WNT3: variants seen among roughly 807,000 people sequenced by gnomAD.
WNT3 encodes proto-oncogene Wnt-3.
Under a neutral mutation model 34.2 loss-of-function variants are expected in WNT3, and 7 were observed. That is an observed-to-expected ratio of 0.20 (90% CI 0.12 to 0.38). WNT3 has a LOEUF of 0.38. Among genes scored for constraint, WNT3 ranks in the 10% least tolerant of loss-of-function variants. The probability of loss-of-function intolerance (pLI) is 1.00; values close to 1 mark genes in which losing one functional copy is unlikely to be tolerated. For synonymous variants in WNT3, 212 were observed against 211.5 expected (o/e 1.00, Z -0.02); for missense variants, 267 against 499.8 (o/e 0.53, Z 4.44).
intron 1 of WNT3, among the ~76,000 whole-genome samples, chr17:46,781,768 C>A (rs1291686248): frequency 6.6e-6 from 1 of 152,200 alleles, no homozygotes; most frequent in African/African-American, 2.4e-5. Context: ...GCATCCCCAG[C>A]CTTCAACTTC....
At chr17:46,788,754 C>T (rs551632250) in intron 1 of WNT3, among the ~76,000 whole-genome samples, 1 of 152,148 alleles carries the variant, frequency 6.6e-6, no homozygotes, top group African/African-American at 2.4e-5. Flanking sequence ...GACCTCCCTG[C>T]GAGGACCTCC....
rs747207186 is a variant in WNT3 at position 46,773,874 on chromosome 17, C to T, written c.116G>A (p.Gly39Asp). Residue 39 changes from glycine to aspartate, a missense_variant, in exon 2 of 5, where the codon GGC becomes GAC. Physicochemically the swap from Gly to Asp is moderately conservative, Grantham distance 94. This residue lies in a region of WNT3 where 181 missense variants were observed against 391.3 expected (regional missense o/e 0.46). Transcript: ENST00000225512. ...GGAGCCGCAGAGCAGGGGCTGTGAG[C>T]CCAGAGATGTGTACTGCTGGCCCAG... ...LALGQQYTSL[G>D]SQPLLCGSIP... is the part of the protein sequence containing the mutation. 3.1e-6 allele frequency: 5 copies of T among 1,612,430 alleles called. No individual in the cohort carries two copies. The highest frequency in any genetic ancestry group is 3.3e-5 in the Admixed American group (2 of 60,002).
chr17:46,788,483 C>T (rs1336462379), intron 1 of WNT3, among the ~76,000 whole-genome samples: 2 of 152,154 alleles, frequency 1.3e-5, no homozygotes, highest in East Asian at 1.9e-4. Context: ...CCTGCCCAGC[C>T]CTCTTGTTCG....
At chr17:46,779,786 A>G (rs1568080380) in intron 1 of WNT3, among the ~76,000 whole-genome samples, 1 of 151,906 alleles carries the variant, frequency 6.6e-6, no homozygotes, top group Non-Finnish European at 1.5e-5. Context: ...TTGAGACAGA[A>G]TCTTGCTCTG....
intron 1 of WNT3, among the ~76,000 whole-genome samples, chr17:46,789,451 G>T (rs1191122291): frequency 3.3e-5 from 5 of 152,234 alleles, no homozygotes; most frequent in Non-Finnish European, 7.3e-5. Context: ...AGGAGTCCAG[G>T]AAACTGGATC....
chr17:46,779,591 T>C (rs1159569724), intron 1 of WNT3, among the ~76,000 whole-genome samples: 2 of 152,200 alleles, frequency 1.3e-5, no homozygotes, highest in African/African-American at 4.8e-5. Flanking sequence ...ACTTTGGTGT[T>C]GACCCCTTGG....
At chr17:46,771,062 C>G (rs1598756121) in intron 2 of WNT3, among the ~76,000 whole-genome samples, 1 of 152,210 alleles carries the variant, frequency 6.6e-6, no homozygotes, top group African/African-American at 2.4e-5. Flanking sequence ...CGCCTCCCCT[C>G]CTGGGCTGTG....
intron 1 of WNT3, among the ~76,000 whole-genome samples, chr17:46,814,531 G>T (rs2146470658): frequency 6.6e-6 from 1 of 152,320 alleles, no homozygotes; most frequent in East Asian, 1.9e-4. Flanking sequence ...TGCCCTGGAA[G>T]GGAGACCACC....
intron 1 of WNT3, 51 bp from the exon 2 acceptor site, chr17:46,773,960 A>C: frequency 6.3e-7 from 1 of 1,592,230 alleles, no homozygotes; most frequent in Non-Finnish European, 8.5e-7. Context: ...CACAGAGCCC[A>C]TCCTGGGCAC....
intron 1 of WNT3, among the ~76,000 whole-genome samples, chr17:46,813,685 A>T (rs904843233): frequency 2.0e-5 from 3 of 152,082 alleles, no homozygotes; most frequent in African/African-American, 7.2e-5. Context: ...TGTTAGCTGC[A>T]TCCTCCTCTG....
intron 1 of WNT3, among the ~76,000 whole-genome samples, chr17:46,797,316 T>C (rs2084066927): frequency 6.6e-6 from 1 of 151,486 alleles, no homozygotes; most frequent in African/African-American, 2.4e-5. Flanking sequence ...TGGGAGAGAG[T>C]GGAAGTGAGG....
intron 1 of WNT3, among the ~76,000 whole-genome samples, chr17:46,800,133 T>G (rs569468029): frequency 6.6e-6 from 1 of 152,168 alleles, no homozygotes; most frequent in East Asian, 1.9e-4. Context: ...TTATTGGAGA[T>G]GGAGTCTCAC....
intron 1 of WNT3, among the ~76,000 whole-genome samples, 158 bp downstream of exon 1, chr17:46,818,360 A>G (rs1025994241): frequency 5.8e-5 from 8 of 136,778 alleles, no homozygotes; most frequent in African/African-American, 2.1e-4. Context: ...TGAAGGCGAC[A>G]CCAGCAGAAA....
intron 1 of WNT3, among the ~76,000 whole-genome samples, chr17:46,794,917 A>G (rs767818699): frequency 3.3e-5 from 5 of 151,558 alleles, no homozygotes; most frequent in Non-Finnish European, 5.9e-5. Context: ...TGCTTGGCTA[A>G]TTTTTGTATT....
intron 1 of WNT3, among the ~76,000 whole-genome samples, chr17:46,790,566 C>T (rs999960078): frequency 1.1e-4 from 17 of 152,140 alleles, no homozygotes; most frequent in African/African-American, 4.1e-4. Context: ...TGCCCTCCCC[C>T]TGGGCCCCAC....
At chr17:46,766,060 G>GA (rs1221583531) in intron 4 of WNT3, among the ~76,000 whole-genome samples, 2 of 151,660 alleles carry the variant, frequency 1.3e-5, no homozygotes, top group Non-Finnish European at 2.9e-5. Context: ...TAAGATTGAG[G>GA]AAAAAAAACA....
At chr17:46,814,543 G>A (rs759381044) in intron 1 of WNT3, among the ~76,000 whole-genome samples, 78 of 152,192 alleles carry the variant, frequency 5.1e-4, no homozygotes, top group Non-Finnish European at 9.4e-4. Context: ...GAGACCACCC[G>A]GTTAAAGCCT....
intron 1 of WNT3, among the ~76,000 whole-genome samples, chr17:46,781,174 G>A (rs1186407133): frequency 6.6e-6 from 1 of 151,150 alleles, no homozygotes; most frequent in East Asian, 2.0e-4. Context: ...GTTACAGTGA[G>A]CCAGTTGCGC....
intron 2 of WNT3, among the ~76,000 whole-genome samples, chr17:46,772,376 T>C (rs1475778469): frequency 1.3e-5 from 2 of 152,234 alleles, no homozygotes; most frequent in Non-Finnish European, 2.9e-5. Context: ...CAGAGCCGCT[T>C]TCCCCTGGCT....
Sources: gnomAD v4.1 joint callset for allele counts (sites outside exome capture counted in the v4.1 genomes callset) on GRCh38, gnomAD v4.1.1 for gene constraint, gnomAD v4.1.1 regional missense constraint, MANE v1.5 for transcripts, NCBI Gene and HGNC (gene_info 2026-07-23, HGNC 2026-07-21) for gene names.